NOS1: variants seen among roughly 807,000 people sequenced by gnomAD.
NOS1 encodes nitric oxide synthase 1.
In NOS1, 51 loss-of-function variants were observed where a neutral mutation model predicts 164.5. That is an observed-to-expected ratio of 0.31 (90% CI 0.25 to 0.39). NOS1 has a LOEUF of 0.39. Among genes scored for constraint, NOS1 ranks in the 10% least tolerant of loss-of-function variants. NOS1 has a pLI of 1.00. For missense variants in NOS1, 1,362 were observed against 1,885.6 expected (o/e 0.72, Z 5.14); for synonymous variants, 719 against 745.8 (o/e 0.96, Z 0.59).
At chr12:117,329,758 G>GA (rs1875435880) in intron 2 of NOS1, among the ~76,000 whole-genome samples, 2 of 152,144 alleles carry the variant, frequency 1.3e-5, no homozygotes, top group African/African-American at 2.4e-5. Flanking sequence ...CAGCAAGACT[G>GA]CGGTTTTTAG....
At chr12:117,321,507 A>C (rs1457443017) in intron 2 of NOS1, among the ~76,000 whole-genome samples, 1 of 152,056 alleles carries the variant, frequency 6.6e-6, no homozygotes, top group Non-Finnish European at 1.5e-5. Flanking sequence ...TCTTCCTCAG[A>C]ATAAAGGGCT....
At chr12:117,232,161 G>T in intron 21 of NOS1, 30 bp from the exon 22 acceptor site, 1 of 1,608,300 alleles carries the variant, frequency 6.2e-7, no homozygotes, top group Non-Finnish European at 8.5e-7. Context: ...GTGACAGGTG[G>T]GTGTGGGAGG....
intron 25 of NOS1, among the ~76,000 whole-genome samples, chr12:117,223,304 C>T (rs1341074226): frequency 6.6e-6 from 1 of 151,892 alleles, no homozygotes; most frequent in Non-Finnish European, 1.5e-5. Context: ...GCTCTGTCAC[C>T]CAGGCTGGAG....
chr12:117,266,081 G>C (rs1425283710), intron 11 of NOS1, among the ~76,000 whole-genome samples: 1 of 151,966 alleles, frequency 6.6e-6, no homozygotes, highest in African/African-American at 2.4e-5. Context: ...TTACAGGTGT[G>C]AGCCACCGTG....
intron 25 of NOS1, among the ~76,000 whole-genome samples, chr12:117,224,499 A>G (rs1868475272): frequency 6.6e-6 from 1 of 151,912 alleles, no homozygotes; most frequent in Non-Finnish European, 1.5e-5. Flanking sequence ...GCTAGCCAGG[A>G]TGGTCTCGAT....
chr12:117,293,289 C>G lies in NOS1; in HGVS notation c.853-2863G>C, dbSNP rs117121114. 6.9e-3 allele frequency among the ~76,000 whole-genome samples: 1,049 copies of G among 152,282 alleles called. 4 individuals carry two copies. The highest frequency in any genetic ancestry group is 0.014 in the Middle Eastern group (4 of 294). Reference sequence around the variant, plus strand: ...TTCATAATCTTCCACGGCTCCTGGCCCTCGCCAGATCTGGTCCTCCTCAGT... The same window carrying G: ...TTCATAATCTTCCACGGCTCCTGGCGCTCGCCAGATCTGGTCCTCCTCAGT... On this transcript the variant is annotated intron_variant, in intron 3 of 28. Transcript: ENST00000317775.
At chr12:117,279,247 C>T (rs1873433906) in intron 8 of NOS1, among the ~76,000 whole-genome samples, 1 of 151,822 alleles carries the variant, frequency 6.6e-6, no homozygotes, top group Non-Finnish European at 1.5e-5. Flanking sequence ...CGTGGTGGTG[C>T]GCATCTGTAG....
chr12:117,347,361 T>C (rs1876402911), intron 1 of NOS1, among the ~76,000 whole-genome samples: 1 of 151,146 alleles, frequency 6.6e-6, no homozygotes, highest in Non-Finnish European at 1.5e-5. Context: ...AAGATAGAAA[T>C]TTCTGGCTTT....
At position 117,239,712 on chromosome 12, in the gene NOS1, T is replaced by C. The variant is rs181391564; in HGVS notation, c.3041+2915A>G. ...CACTCAATTATCCTTTTTCTTCTTC[T>C]TTTTTTTTTTTATAAGCCTTATGAA... On this transcript the variant is annotated intron_variant, in intron 20 of 28. Coordinates refer to ENST00000317775, the MANE Select transcript of NOS1 (RefSeq NM_000620.5). 5.8e-3 allele frequency among the ~76,000 whole-genome samples: 683 copies of C among 117,836 alleles called. 6 individuals are homozygous for C. The highest frequency in any genetic ancestry group is 0.024 in the Middle Eastern group (6 of 250). The allele number at this position is 117,836 out of a possible 152,430, so 77.3% of individuals were successfully genotyped here. A position where few individuals can be genotyped will look rare whatever the true frequency, so the allele number is the denominator to read the frequency against.
Position 117,209,734 on chromosome 12 carries a change from T to C in NOS1, c.*5575A>G. 1.0e-6 allele frequency: 1 copy of C among 985,498 alleles called. No individual in the cohort carries two copies. The highest frequency in any genetic ancestry group is 1.2e-6 in the Non-Finnish European group (1 of 829,956). The allele number at this position is 985,498 out of a possible 1,614,324, so 61.0% of individuals were successfully genotyped here. ...ACACTGCTTTCCACGGGTGAAAGTG[T>C]ACCTGGGTCCTTACATTTGGGGAAG... On this transcript the variant is annotated 3_prime_UTR_variant, in exon 29 of 29. Transcript: ENST00000317775.
At chr12:117,335,750 G>GAGAGAGAGAGAGAC (rs1875785110) in intron 1 of NOS1, among the ~76,000 whole-genome samples, 4 of 150,614 alleles carry the variant, frequency 2.7e-5, no homozygotes, top group African/African-American at 7.4e-5. Flanking sequence ...GAGAGAGAGA[G>GAGAGAGAGAGAGAC]AGAGAGAGAG....
rs182609684 is a variant in NOS1 at position 117,338,540 on chromosome 12, C to A, written c.-420-7051G>T. On this transcript the variant is annotated intron_variant, in intron 1 of 28. Transcript: ENST00000317775. The stretch of plus-strand genomic sequence containing the variant: ...ATGACGAGTTAATGGGTGCGGCACA[C>A]CAGCATGGCACATGTATACATATGT... 7.9e-4 allele frequency among the ~76,000 whole-genome samples: 120 copies of A among 151,722 alleles called. 1 individual carries two copies. Among genetic ancestry groups the A allele is most frequent in the Middle Eastern group, 6.8e-3 (2 of 294 alleles).
At chr12:117,270,368 T>G (rs564475070) in intron 10 of NOS1, among the ~76,000 whole-genome samples, 1 of 152,102 alleles carries the variant, frequency 6.6e-6, no homozygotes, top group Non-Finnish European at 1.5e-5. Context: ...ACCCAGAGAC[T>G]ACTCTTTGCA....
chr12:117,257,007 G>A (rs2135974092), intron 16 of NOS1, among the ~76,000 whole-genome samples: 1 of 152,286 alleles, frequency 6.6e-6, no homozygotes, highest in African/African-American at 2.4e-5. Flanking sequence ...AGGAGGCGGA[G>A]GTTGCAGTGA....
At chr12:117,226,481 A>G (rs1254614056) in intron 24 of NOS1, among the ~76,000 whole-genome samples, 1 of 152,092 alleles carries the variant, frequency 6.6e-6, no homozygotes, top group East Asian at 1.9e-4. Context: ...TTGACTTGAC[A>G]TTGACCAGAG....
chr12:117,305,320 C>T (rs191310240), intron 3 of NOS1, among the ~76,000 whole-genome samples: 3 of 152,184 alleles, frequency 2.0e-5, no homozygotes, highest in South Asian at 2.1e-4. Flanking sequence ...AAAAATTAGC[C>T]GGACGTGGTG....
At chr12:117,334,614 C>T (rs1047555641) in intron 1 of NOS1, among the ~76,000 whole-genome samples, 2 of 152,104 alleles carry the variant, frequency 1.3e-5, no homozygotes, top group Non-Finnish European at 1.5e-5. Context: ...AGGCTGGTCT[C>T]GAACTCCTGA....
intron 1 of NOS1, among the ~76,000 whole-genome samples, chr12:117,347,313 AAAAT>A (rs1373664086): frequency 1.3e-5 from 2 of 152,020 alleles, no homozygotes; most frequent in African/African-American, 2.4e-5. Context: ...AAAAAAAAGA[AAAAT>A]AAACAAACAA....
intron 16 of NOS1, among the ~76,000 whole-genome samples, chr12:117,254,942 G>A (rs1871329624): frequency 6.6e-6 from 1 of 152,138 alleles, no homozygotes; most frequent in Non-Finnish European, 1.5e-5. Flanking sequence ...TATGAACAAT[G>A]TTCAGCACTG....
Sources: allele counts gnomAD v4.1 joint callset (sites outside exome capture counted in the v4.1 genomes callset), GRCh38; gene constraint gnomAD v4.1.1; transcripts MANE v1.5; gene names NCBI Gene and HGNC (gene_info 2026-07-23, HGNC 2026-07-21).